Variants in ITGB3 observed in about 807,000 individuals in gnomAD.
ITGB3 encodes integrin beta-3.
In ITGB3, 48 loss-of-function variants were observed where a neutral mutation model predicts 85.8. The ratio of observed to expected loss-of-function variants is 0.56; its 90% CI spans 0.44 to 0.71. The LOEUF (loss-of-function observed/expected upper bound fraction) is 0.71. Among genes scored for constraint, ITGB3 ranks in the 30% least tolerant of loss-of-function variants. The pLI, the probability that ITGB3 is intolerant of heterozygous loss-of-function variation, is 0.00. For missense variants in ITGB3, 861 were observed against 1,019.1 expected, an observed-to-expected ratio of 0.84 and a Z score of 2.11; for synonymous variants, 363 against 395.6, an observed-to-expected ratio of 0.92 and a Z score of 0.98.
intron 10 of ITGB3, among the ~76,000 whole-genome samples, chr17:47,294,137 G>T (rs946738323): frequency 1.3e-5 from 2 of 152,208 alleles, no homozygotes; most frequent in Non-Finnish European, 2.9e-5. Flanking sequence ...TTAGGGGAGA[G>T]CAAGAGATCA....
intron 14 of ITGB3, among the ~76,000 whole-genome samples, chr17:47,309,512 C>T (rs1321031512): frequency 6.6e-6 from 1 of 152,110 alleles, no homozygotes; most frequent in Admixed American, 6.5e-5. Context: ...GCAAAAGAGA[C>T]GGGGACACAG....
intron 13 of ITGB3, among the ~76,000 whole-genome samples, chr17:47,307,063 A>G (rs2065191125): frequency 6.6e-6 from 1 of 152,152 alleles, no homozygotes; most frequent in African/African-American, 2.4e-5. Flanking sequence ...ACTGTGAGTC[A>G]TGGGGGTCTG....
intron 2 of ITGB3, 124 bp downstream of exon 2, chr17:47,274,628 T>G: frequency 1.2e-6 from 1 of 813,648 alleles, no homozygotes; most frequent in South Asian, 1.4e-5. Flanking sequence ...TAAGCAAAAC[T>G]TTGATGAATT....
intron 12 of ITGB3, among the ~76,000 whole-genome samples, chr17:47,301,224 G>A (rs2065166105): frequency 6.6e-6 from 1 of 152,180 alleles, no homozygotes; most frequent in Admixed American, 6.5e-5. Context: ...GATCTTTGCT[G>A]CTGTCATCAC....
intron 3 of ITGB3, among the ~76,000 whole-genome samples, chr17:47,283,854 T>G (rs927085391): frequency 8.5e-5 from 13 of 152,244 alleles, no homozygotes; most frequent in African/African-American, 3.1e-4. Context: ...CCCAAGTGCC[T>G]GTTTTACCTA....
chr17:47,274,158 A>G (rs1598684655), intron 1 of ITGB3, among the ~76,000 whole-genome samples: 1 of 152,232 alleles, frequency 6.6e-6, no homozygotes, highest in East Asian at 1.9e-4. Context: ...ACTTGCGTCC[A>G]TGGCTCAGCC....
intron 13 of ITGB3, among the ~76,000 whole-genome samples, chr17:47,306,761 A>C (rs924829907): frequency 4.0e-5 from 6 of 150,284 alleles, no homozygotes; most frequent in African/African-American, 1.5e-4. Flanking sequence ...GTTCACTGCA[A>C]CCTCTACCTC....
At chr17:47,269,911 T>C (rs1004486890) in intron 1 of ITGB3, among the ~76,000 whole-genome samples, 1 of 152,228 alleles carries the variant, frequency 6.6e-6, no homozygotes, top group African/African-American at 2.4e-5. Flanking sequence ...GAGGTTTAGT[T>C]GACTCACAGT....
At chr17:47,287,533 G>A (rs2065107348) in intron 6 of ITGB3, among the ~76,000 whole-genome samples, 1 of 152,172 alleles carries the variant, frequency 6.6e-6, no homozygotes, top group African/African-American at 2.4e-5. Context: ...TGGAAAGCAG[G>A]TCTTCCTCTC....
chr17:47,268,706 G>T (rs2065034101), intron 1 of ITGB3, among the ~76,000 whole-genome samples: 1 of 152,216 alleles, frequency 6.6e-6, no homozygotes, highest in Non-Finnish European at 1.5e-5. Flanking sequence ...GGCTGGCATT[G>T]AATGTCTGTG....
chr17:47,307,727 A>C, intron 14 of ITGB3, 90 bp downstream of exon 14: 1 of 1,238,986 alleles, frequency 8.1e-7, no homozygotes, highest in Middle Eastern at 1.9e-4. Flanking sequence ...ATGTTCAGCC[A>C]GTACCATCGT....
intron 1 of ITGB3, among the ~76,000 whole-genome samples, chr17:47,256,181 T>G (rs2064989147): frequency 6.6e-6 from 1 of 152,050 alleles, no homozygotes; most frequent in Admixed American, 6.6e-5. Context: ...CTTTAAGATA[T>G]CTGGTCAGGC....
intron 2 of ITGB3, among the ~76,000 whole-genome samples, chr17:47,277,049 G>A (rs1439642356): frequency 6.6e-6 from 1 of 152,156 alleles, no homozygotes; most frequent in Admixed American, 6.5e-5. Flanking sequence ...TGGGTAAGAG[G>A]AAAACAGCCA....
At chr17:47,278,000 G>A (rs1295938797) in intron 2 of ITGB3, among the ~76,000 whole-genome samples, 1 of 152,152 alleles carries the variant, frequency 6.6e-6, no homozygotes, top group Non-Finnish European at 1.5e-5. Flanking sequence ...ATTTATTATT[G>A]TAAAAGGAAG....
intron 1 of ITGB3, among the ~76,000 whole-genome samples, chr17:47,257,289 C>T (rs183032266): frequency 6.6e-6 from 1 of 152,288 alleles, no homozygotes; most frequent in Non-Finnish European, 1.5e-5. Context: ...TATTTCAACT[C>T]GTTCCTCATT....
intron 1 of ITGB3, among the ~76,000 whole-genome samples, chr17:47,266,513 A>ACAGC (rs1226062076): frequency 6.6e-6 from 1 of 152,098 alleles, no homozygotes; most frequent in African/African-American, 2.4e-5. Context: ...GTGCCAAACC[A>ACAGC]CAGCCTTCTA....
chr17:47,313,311 T>C lies in ITGB3; in HGVS notation c.*3107T>C, dbSNP rs112556373. ...TTTTAATGGGGTCCAAAGGCCTCTT[T>C]TTCTTTGTTAAGTATTCCTGGTTGA... On this transcript the variant is annotated 3_prime_UTR_variant, in exon 15 of 15. Transcript: ENST00000559488. Among the ~76,000 whole-genome samples the C allele has an allele frequency of 6.8e-3, 1,038 of 151,882 alleles. 15 individuals carry two copies. The highest frequency in any genetic ancestry group is 0.023 in the African/African-American group (968 of 41,442).
intron 6 of ITGB3, among the ~76,000 whole-genome samples, chr17:47,289,432 C>A (rs903628531): frequency 1.3e-5 from 2 of 152,030 alleles, no homozygotes; most frequent in African/African-American, 4.8e-5. Flanking sequence ...CTGAAGTGAT[C>A]CTGCCTCAGC....
At chr17:47,285,433 G>A (rs759505803) in intron 4 of ITGB3, among the ~76,000 whole-genome samples, 7 of 152,104 alleles carry the variant, frequency 4.6e-5, no homozygotes, top group Non-Finnish European at 8.8e-5. Flanking sequence ...GCAACATAGT[G>A]AGACCCCCAT....
Sources: gnomAD v4.1 joint callset for allele counts (sites outside exome capture counted in the v4.1 genomes callset) on GRCh38, gnomAD v4.1.1 for gene constraint, MANE v1.5 for transcripts, NCBI Gene and HGNC (gene_info 2026-07-23, HGNC 2026-07-21) for gene names.